C12orf54: variants seen among roughly 807,000 people sequenced by gnomAD.
The protein encoded by C12orf54 is uncharacterized protein C12orf54.
In C12orf54, 24 loss-of-function variants were observed where a neutral mutation model predicts 26.4. The observed-to-expected ratio is 0.91, with a 90% CI of 0.66 to 1.28. The LOEUF is 1.28. C12orf54 is among the 50% of genes most tolerant of loss of function. The probability of loss-of-function intolerance (pLI) is 0.00; values close to 1 mark genes in which losing one functional copy is unlikely to be tolerated. For synonymous variants in C12orf54, 54 were observed against 47.0 expected (o/e 1.15, Z -0.61); for missense variants, 154 against 150.9 (o/e 1.02, Z -0.11).
intron 8 of C12orf54, 46 bp downstream of exon 8, chr12:48,495,025 C>A: frequency 6.9e-7 from 1 of 1,440,584 alleles, no homozygotes; most frequent in South Asian, 1.2e-5. Context: ...CCCTGCCCAT[C>A]TGTGGTAGTC....
the C12orf54 span, among the ~76,000 whole-genome samples, chr12:48,467,490 A>T: frequency 2.0e-5 from 3 of 152,218 alleles, no homozygotes; most frequent in African/African-American, 7.2e-5. Flanking sequence ...ACATAATAAC[A>T]GGAATCTCAA....
chr12:48,435,063 TAA>T, the C12orf54 span, among the ~76,000 whole-genome samples: 4 of 152,204 alleles, frequency 2.6e-5, no homozygotes, highest in African/African-American at 9.6e-5. Flanking sequence ...GAGAAATCCT[TAA>T]AGGACCTGAT....
chr12:48,454,875 T>G, the C12orf54 span, among the ~76,000 whole-genome samples: 1 of 152,358 alleles, frequency 6.6e-6, no homozygotes, highest in Admixed American at 6.5e-5. Flanking sequence ...CACTACTGCT[T>G]CCTTGTGGCT....
chr12:48,423,570 C>A, the C12orf54 span, among the ~76,000 whole-genome samples: 11 of 151,866 alleles, frequency 7.2e-5, no homozygotes, highest in Non-Finnish European at 1.2e-4. Flanking sequence ...CATCTGAACG[C>A]CCCCAAATTA....
the C12orf54 span, among the ~76,000 whole-genome samples, chr12:48,433,983 C>T: frequency 6.6e-6 from 1 of 152,186 alleles, no homozygotes; most frequent in East Asian, 1.9e-4. Flanking sequence ...ACCCCGGAAG[C>T]ATAAGGGGTC....
chr12:48,470,770 G>A, the C12orf54 span, among the ~76,000 whole-genome samples: 6 of 151,414 alleles, frequency 4.0e-5, no homozygotes, highest in Non-Finnish European at 8.9e-5. Context: ...CATTTCCTAG[G>A]TTTTCTTCTA....
upstream of C12orf54, among the ~76,000 whole-genome samples, chr12:48,478,531 A>G (rs185116855): frequency 7.5e-4 from 115 of 152,344 alleles, no homozygotes; most frequent in Non-Finnish European, 1.4e-3. Context: ...CCTCAAGCTG[A>G]TAAGCAACTT....
chr12:48,434,911 G>C, the C12orf54 span, among the ~76,000 whole-genome samples: 2 of 152,176 alleles, frequency 1.3e-5, no homozygotes, highest in Admixed American at 1.3e-4. Flanking sequence ...GCTGGACAGA[G>C]AATGACTTTG....
intron 4 of C12orf54, chr12:48,488,101 A>G: frequency 1.2e-6 from 1 of 854,856 alleles, no homozygotes; most frequent in Admixed American, 1.7e-5. Flanking sequence ...CAGTCTCTCA[A>G]GTCCCAAGGC....
At chr12:48,448,475 C>T in the C12orf54 span, among the ~76,000 whole-genome samples, 1 of 152,038 alleles carries the variant, frequency 6.6e-6, no homozygotes. Context: ...TAAAGTGTCG[C>T]ATTATATGAT....
At chr12:48,439,923 T>C in the C12orf54 span, among the ~76,000 whole-genome samples, 4 of 151,794 alleles carry the variant, frequency 2.6e-5, no homozygotes, top group Non-Finnish European at 4.4e-5. Flanking sequence ...AAATAAAAAA[T>C]AAGAAATAAA....
the C12orf54 span, among the ~76,000 whole-genome samples, chr12:48,421,588 G>A: frequency 0.024 from 3,415 of 140,600 alleles, 141 homozygotes; most frequent in African/African-American, 0.082. Flanking sequence ...GGAGTGCAGT[G>A]GCACGATCTC....
intron 4 of C12orf54, among the ~76,000 whole-genome samples, chr12:48,487,084 G>A (rs1385371376): frequency 1.3e-5 from 2 of 152,198 alleles, no homozygotes; most frequent in Non-Finnish European, 2.9e-5. Flanking sequence ...ACATAAAAAT[G>A]CCAGGTTTCA....
chr12:48,440,588 C>A, the C12orf54 span, among the ~76,000 whole-genome samples: 1 of 152,202 alleles, frequency 6.6e-6, no homozygotes, highest in African/African-American at 2.4e-5. Context: ...TAGGGCCAAG[C>A]GGCAGAGCTA....
At chr12:48,433,012 A>T in the C12orf54 span, among the ~76,000 whole-genome samples, 1,167 of 152,360 alleles carry the variant, frequency 7.7e-3, 22 homozygotes, top group African/African-American at 0.027. Flanking sequence ...TACAAGATCA[A>T]TGTACAAAAT....
chr12:48,453,574 C>CATATACACATATATATGTAT, the C12orf54 span, among the ~76,000 whole-genome samples: 2 of 81,886 alleles, frequency 2.4e-5, no homozygotes, highest in African/African-American at 6.8e-5. Context: ...TATATATACA[C>CATATACACATATATATGTAT]ATATACACAT....
chr12:48,465,970 A>G, the C12orf54 span, among the ~76,000 whole-genome samples: 2 of 152,326 alleles, frequency 1.3e-5, no homozygotes, highest in East Asian at 3.9e-4. Context: ...AAGCCTAAAA[A>G]TTCTGAAATT....
intron 2 of C12orf54, among the ~76,000 whole-genome samples, chr12:48,484,095 T>A (rs1954230565): frequency 6.6e-6 from 1 of 152,170 alleles, no homozygotes; most frequent in Non-Finnish European, 1.5e-5. Context: ...TTTGGGAGGC[T>A]GAGGCAGGAG....
chr12:48,417,910 G>A, the C12orf54 span, among the ~76,000 whole-genome samples: 1 of 152,178 alleles, frequency 6.6e-6, no homozygotes, highest in African/African-American at 2.4e-5. Flanking sequence ...CAAACAACAT[G>A]ATCTCATTAT....
Sources: allele counts gnomAD v4.1 joint callset (sites outside exome capture counted in the v4.1 genomes callset), GRCh38; gene constraint gnomAD v4.1.1; transcripts MANE v1.5; gene names NCBI Gene and HGNC (gene_info 2026-07-23, HGNC 2026-07-21).